ACADSB: variants seen among roughly 807,000 people sequenced by gnomAD.
ACADSB encodes acyl-CoA dehydrogenase short/branched chain, also known as short/branched chain specific acyl-CoA dehydrogenase, mitochondrial.
In ACADSB, 40 loss-of-function variants were observed where a neutral mutation model predicts 54.1. That is an observed-to-expected ratio of 0.74 (90% confidence interval 0.57 to 0.96). The LOEUF is 0.96. Among genes scored for constraint, ACADSB ranks in the 40% least tolerant of loss-of-function variants. ACADSB has a pLI of 0.00. For synonymous variants in ACADSB, 182 were observed against 182.8 expected, an observed-to-expected ratio of 1.00 and a Z score of 0.03; for missense variants, 530 against 510.4, an observed-to-expected ratio of 1.04 and a Z score of -0.37.
intron 1 of ACADSB, among the ~76,000 whole-genome samples, chr10:123,030,054 T>G (rs1216404875): frequency 6.6e-6 from 1 of 152,152 alleles, no homozygotes; most frequent in Non-Finnish European, 1.5e-5. Flanking sequence ...GGAGGAGCTC[T>G]CATAACCTAA....
chr10:123,021,831 T>C (rs1422485239), intron 1 of ACADSB, among the ~76,000 whole-genome samples: 1 of 152,212 alleles, frequency 6.6e-6, no homozygotes, highest in African/African-American at 2.4e-5. Context: ...CTTTTAATTC[T>C]TGGGGTTCTG....
chr10:123,039,085 G>A lies in ACADSB; in HGVS notation c.303+1238G>A, dbSNP rs940328915. Among the ~76,000 whole-genome samples, 5 of 152,244 alleles carry A rather than the reference G, an allele frequency of 3.3e-5. No individual in the cohort carries two copies. The East Asian group carries it at 9.7e-4, about 29-fold the overall frequency. On this transcript the variant is annotated intron_variant, in intron 3 of 10. Coordinates refer to ENST00000358776, the MANE Select transcript of ACADSB (RefSeq NM_001609.4). ...CTGCCTCCTCACTCCCATTGTCCTG[G>A]GTTTTTGGCATAATGGCTTGCAAAA...
chr10:123,031,146 A>G (rs1448203844), intron 1 of ACADSB, among the ~76,000 whole-genome samples: 1 of 152,262 alleles, frequency 6.6e-6, no homozygotes, highest in African/African-American at 2.4e-5. Context: ...ATTTCTTTTG[A>G]TGACAGAGTC....
At chr10:123,053,506 G>A (rs192675168) in intron 10 of ACADSB, among the ~76,000 whole-genome samples, 189 bp from the exon 11 acceptor site, 176 of 152,144 alleles carry the variant, frequency 1.2e-3, no homozygotes, top group African/African-American at 3.8e-3. Flanking sequence ...CCTGGACATC[G>A]AGAAACCAAA....
chr10:123,052,743 C>T lies in ACADSB; in HGVS notation c.1129-318C>T. 1 of 338,942 alleles carries T rather than the reference C, an allele frequency of 3.0e-6. No homozygotes were observed. Among genetic ancestry groups the T allele is most frequent in the Non-Finnish European group, 5.6e-6 (1 of 177,662 alleles). 21.0% of individuals were successfully genotyped at this position (338,942 alleles called of 1,614,324 possible). On this transcript the variant is annotated intron_variant, in intron 9 of 10. Coordinates refer to ENST00000358776, the MANE Select transcript of ACADSB (RefSeq NM_001609.4). The surrounding 1 kb of genome is among the most constrained non-coding windows in gnomAD (Gnocchi z 4.2). ...CTTGGAGGATTTCGACGTGTTGGTCCTCAGCTTGAAATGTCCCTTAGCTCG... is the reference window on the plus strand; with the variant it reads ...CTTGGAGGATTTCGACGTGTTGGTCTTCAGCTTGAAATGTCCCTTAGCTCG...
intron 1 of ACADSB, among the ~76,000 whole-genome samples, chr10:123,012,695 G>C (rs946229274): frequency 6.6e-6 from 1 of 151,842 alleles, no homozygotes; most frequent in Non-Finnish European, 1.5e-5. Flanking sequence ...TTGTGGCCTC[G>C]CTGGCTTCAG....
At chr10:123,045,988 A>G (rs1850556966) in intron 7 of ACADSB, among the ~76,000 whole-genome samples, 1 of 152,212 alleles carries the variant, frequency 6.6e-6, no homozygotes, top group African/African-American at 2.4e-5. Context: ...TCAGTTTTTC[A>G]GTGTTTGTAG....
Position 123,051,128 on chromosome 10 carries a change from T to C in ACADSB, c.1070T>C (p.Leu357Ser). ...RLLTYNAARLLEAGKPFIKEA... is the reference protein window; with the variant it reads ...RLLTYNAARLSEAGKPFIKEA... ...CTAACATACAATGCTGCTAGGCTTT[T>C]AGAAGCTGGAAAGCCATTCATAAAA... The change falls in exon 9 of 11, where the codon TTA becomes TCA. Residue 357 changes from leucine (L) to serine (S), a missense_variant. Physicochemically the swap from Leu to Ser is moderately radical, Grantham distance 145 (BLOSUM62 -2). Transcript: ENST00000358776. 1 of 1,608,928 alleles carries C rather than the reference T, an allele frequency of 6.2e-7. No individual in the cohort carries two copies. The highest frequency in any genetic ancestry group is 2.2e-5 in the East Asian group (1 of 44,770).
intron 8 of ACADSB, among the ~76,000 whole-genome samples, chr10:123,048,105 C>T (rs1392538137): frequency 6.6e-6 from 1 of 152,196 alleles, no homozygotes. Context: ...AGAATAATTA[C>T]TTTACATGGT....
chr10:123,014,249 G>A (rs1038659971), intron 1 of ACADSB, among the ~76,000 whole-genome samples: 1 of 152,202 alleles, frequency 6.6e-6, no homozygotes, highest in Non-Finnish European at 1.5e-5. Context: ...TGGAACAGCT[G>A]ACTCATAATA....
intron 1 of ACADSB, among the ~76,000 whole-genome samples, chr10:123,033,666 A>C: frequency 6.6e-6 from 1 of 152,302 alleles, no homozygotes; most frequent in East Asian, 1.9e-4. Context: ...CAAAACTCCA[A>C]GAGGTTGGTA....
intron 1 of ACADSB, among the ~76,000 whole-genome samples, chr10:123,033,858 T>C (rs1850360448): frequency 6.6e-6 from 1 of 152,002 alleles, no homozygotes; most frequent in Non-Finnish European, 1.5e-5. Flanking sequence ...AAAAAAAAAT[T>C]AGCCACGGAA....
At chr10:123,027,131 G>A (rs1252896343) in intron 1 of ACADSB, among the ~76,000 whole-genome samples, 1 of 152,128 alleles carries the variant, frequency 6.6e-6, no homozygotes, top group African/African-American at 2.4e-5. Context: ...CATAAGATGG[G>A]TTGAATTTTC....
At chr10:123,033,052 T>C (rs1172385585) in intron 1 of ACADSB, among the ~76,000 whole-genome samples, 1 of 152,178 alleles carries the variant, frequency 6.6e-6, no homozygotes, top group East Asian at 1.9e-4. Flanking sequence ...ATTCTTCCTG[T>C]CCATCTCATC....
intron 1 of ACADSB, among the ~76,000 whole-genome samples, chr10:123,023,448 G>T (rs1850209301): frequency 6.6e-6 from 1 of 152,028 alleles, no homozygotes; most frequent in Non-Finnish European, 1.5e-5. Flanking sequence ...ATAATAGTAA[G>T]TATACATACA....
rs1029381330 is a variant in ACADSB, at chr10:123,057,745, C to A, written c.*3980C>A. The A allele has an allele frequency of 6.6e-6, 1 of 152,134 alleles. No individual in the cohort carries two copies. Among genetic ancestry groups the A allele is most frequent in the African/African-American group, 2.4e-5 (1 of 41,416 alleles). 9.4% of individuals were successfully genotyped at this position (152,134 alleles called of 1,614,324 possible). On this transcript the variant is annotated 3_prime_UTR_variant, in exon 11 of 11. Coordinates refer to ENST00000358776, the MANE Select transcript of ACADSB (RefSeq NM_001609.4). ...ATCTAGAAAGACCTTAGAGAACCAG[C>A]CAACCAACTCTCTCATTTTAAAAGT...
At chr10:123,051,399 C>T (rs768193051) in intron 9 of ACADSB, among the ~76,000 whole-genome samples, 4 of 151,994 alleles carry the variant, frequency 2.6e-5, no homozygotes, top group Non-Finnish European at 5.9e-5. Flanking sequence ...CTCAATGTTT[C>T]GTTGAGTAGC....
chr10:123,043,028 T>C lies in ACADSB; in HGVS notation c.682-18T>C, dbSNP rs754170207. 6.2e-7 allele frequency: 1 copy of C among 1,612,538 alleles called. No homozygotes were observed. Among genetic ancestry groups the C allele is most frequent in the Non-Finnish European group, 8.5e-7 (1 of 1,178,880 alleles). On this transcript the variant is annotated intron_variant, in intron 5 of 10. Transcript: ENST00000358776. ...TTATAAATCCAAGTGGTAATAGCGT[T>C]TTAATTCTTCTTTTTAGGGATATAA... is the stretch of plus-strand genomic sequence containing the variant.
intron 1 of ACADSB, among the ~76,000 whole-genome samples, chr10:123,026,891 T>C (rs1332535893): frequency 6.6e-6 from 1 of 152,030 alleles, no homozygotes; most frequent in East Asian, 1.9e-4. Context: ...ACAGGTTGCC[T>C]ATGGGAGAGG....
Sources: gnomAD v4.1 joint callset for allele counts (sites outside exome capture counted in the v4.1 genomes callset) on GRCh38, gnomAD v4.1.1 for gene constraint, Gnocchi (gnomAD v3.1) non-coding constraint, MANE v1.5 for transcripts, NCBI Gene and HGNC (gene_info 2026-07-23, HGNC 2026-07-21) for gene names.